Variants in WFDC11 observed in about 807,000 individuals in gnomAD.
The protein encoded by WFDC11 is protein WFDC11.
WFDC11 carries 9 observed loss-of-function variants against 9.9 expected under a neutral mutation model. The observed-to-expected ratio is 0.91, with a 90% confidence interval of 0.55 to 1.58. WFDC11 has a LOEUF of 1.58. WFDC11 is among the 40% of genes most tolerant of loss of function. The pLI, the probability that WFDC11 is intolerant of heterozygous loss-of-function variation, is 0.00. For synonymous variants in WFDC11, 32 were observed against 33.3 expected, an observed-to-expected ratio of 0.96 and a Z score of 0.13; for missense variants, 106 against 101.7, an observed-to-expected ratio of 1.04 and a Z score of -0.18.
chr20:45,664,400 T>TG (rs1324939906), intron 2 of WFDC11, among the ~76,000 whole-genome samples: 1 of 152,014 alleles, frequency 6.6e-6, no homozygotes. Context: ...ATCTTTTAAT[T>TG]GGGGCATTTA....
chr20:45,665,748 G>C (rs965265739), intron 2 of WFDC11, among the ~76,000 whole-genome samples: 1 of 152,190 alleles, frequency 6.6e-6, no homozygotes, highest in Non-Finnish European at 1.5e-5. Flanking sequence ...CACCAGCAGA[G>C]GCTGCAGAAT....
At chr20:45,663,462 C>T (rs750700253) in intron 2 of WFDC11, among the ~76,000 whole-genome samples, 24 of 152,160 alleles carry the variant, frequency 1.6e-4, no homozygotes, top group Non-Finnish European at 2.9e-4. Context: ...TTCTTGCCTT[C>T]TGCTAGCTTT....
chr20:45,657,291 G>T (rs1378776615), intron 2 of WFDC11, among the ~76,000 whole-genome samples: 2 of 152,024 alleles, frequency 1.3e-5, no homozygotes, highest in Non-Finnish European at 1.5e-5. Flanking sequence ...TAGGGACATG[G>T]ATGAAGCTAG....
chr20:45,659,429 T>C (rs4377391), intron 2 of WFDC11, among the ~76,000 whole-genome samples: 51,494 of 152,086 alleles, frequency 0.34, 8,818 homozygotes, highest in South Asian at 0.46. Flanking sequence ...TGGTATCTCA[T>C]TGTGGTTTTG....
At chr20:45,655,235 T>C (rs1388937577) in intron 2 of WFDC11, among the ~76,000 whole-genome samples, 1 of 152,152 alleles carries the variant, frequency 6.6e-6, no homozygotes, top group Non-Finnish European at 1.5e-5. Flanking sequence ...TTATCCACCA[T>C]GATCAAGTGG....
intron 1 of WFDC11, among the ~76,000 whole-genome samples, chr20:45,667,545 C>T (rs1983211097): frequency 6.6e-6 from 1 of 152,174 alleles, no homozygotes; most frequent in African/African-American, 2.4e-5. Context: ...CCATTGCTAG[C>T]ATCAGCCTAA....
At chr20:45,664,192 T>C (rs906752733) in intron 2 of WFDC11, among the ~76,000 whole-genome samples, 1 of 152,006 alleles carries the variant, frequency 6.6e-6, no homozygotes, top group African/African-American at 2.4e-5. Flanking sequence ...CCTTGTCTCT[T>C]TTGATCTTTG....
chr20:45,662,134 G>C (rs181500246), intron 2 of WFDC11, among the ~76,000 whole-genome samples: 7 of 152,134 alleles, frequency 4.6e-5, no homozygotes, highest in African/African-American at 1.4e-4. Flanking sequence ...GGTCCTTCAC[G>C]TCCCTTGTAA....
chr20:45,670,034 C>T (rs1369742893), intron 1 of WFDC11, 144 bp downstream of exon 1: 3 of 152,100 alleles, frequency 2.0e-5, no homozygotes, highest in Non-Finnish European at 4.4e-5. Context: ...CTATTACAAA[C>T]ACCACTATGC....
At chr20:45,669,648 C>T (rs1600944757) in intron 1 of WFDC11, among the ~76,000 whole-genome samples, 1 of 151,960 alleles carries the variant, frequency 6.6e-6, no homozygotes, top group Non-Finnish European at 1.5e-5. Flanking sequence ...TACAACATAC[C>T]AAAATCTCTG....
intron 2 of WFDC11, among the ~76,000 whole-genome samples, chr20:45,663,461 TC>T (rs1173540956): frequency 1.3e-5 from 2 of 152,226 alleles, no homozygotes; most frequent in African/African-American, 4.8e-5. Context: ...TTTCTTGCCT[TC>T]TGCTAGCTTT....
In WFDC11 at chr20:45,656,576, A is replaced by G. The variant is rs1600938535; in HGVS notation, c.-51-5925T>C. Among the ~76,000 whole-genome samples, 5 of 152,172 alleles carry G rather than the reference A, an allele frequency of 3.3e-5. No individual in the cohort carries two copies. In the South Asian group the frequency reaches 1.0e-3, roughly 32 times the overall value. On this transcript the variant is annotated intron_variant, in intron 2 of 4. Transcript: ENST00000324384. ...AAAAGCAATGGCAACAAAAGCCAAA[A>G]TAGACAAGTGGGATCTAATTAATCT...
intron 1 of WFDC11, among the ~76,000 whole-genome samples, chr20:45,669,398 T>A (rs574033735): frequency 1.3e-4 from 20 of 152,252 alleles, no homozygotes; most frequent in Admixed American, 6.5e-4. Context: ...TCAGTGCATA[T>A]AAAAGATATG....
intron 2 of WFDC11, among the ~76,000 whole-genome samples, chr20:45,659,066 T>C (rs1187815497): frequency 6.6e-6 from 1 of 152,272 alleles, no homozygotes; most frequent in Non-Finnish European, 1.5e-5. Flanking sequence ...GACTGCATAG[T>C]ATTCCATGGT....
intron 2 of WFDC11, among the ~76,000 whole-genome samples, chr20:45,653,062 A>C (rs576008797): frequency 2.6e-5 from 4 of 152,148 alleles, no homozygotes; most frequent in Non-Finnish European, 5.9e-5. Context: ...CCAACATTCA[A>C]ATTCAGGAAA....
At chr20:45,666,092 C>T (rs1983182287) in intron 2 of WFDC11, among the ~76,000 whole-genome samples, 1 of 152,216 alleles carries the variant, frequency 6.6e-6, no homozygotes, top group Non-Finnish European at 1.5e-5. Context: ...TTTGAGCTTC[C>T]CAGCCACTTT....
chr20:45,663,212 G>C (rs1052940965), intron 2 of WFDC11, among the ~76,000 whole-genome samples: 1 of 152,188 alleles, frequency 6.6e-6, no homozygotes, highest in Non-Finnish European at 1.5e-5. Flanking sequence ...TTGCATAGAG[G>C]TGTTTCTAGT....
chr20:45,656,519 G>C (rs1430949304), intron 2 of WFDC11, among the ~76,000 whole-genome samples: 1 of 152,184 alleles, frequency 6.6e-6, no homozygotes, highest in Non-Finnish European at 1.5e-5. Context: ...TCAGGACATA[G>C]GCATGGGCAA....
intron 3 of WFDC11, among the ~76,000 whole-genome samples, chr20:45,649,941 C>A (rs570062650): frequency 3.6e-4 from 55 of 152,062 alleles, no homozygotes; most frequent in Non-Finnish European, 5.9e-4. Context: ...TCTATTCACC[C>A]CATTTTCTCA....
Sources: gnomAD v4.1 joint callset for allele counts (sites outside exome capture counted in the v4.1 genomes callset) on GRCh38, gnomAD v4.1.1 for gene constraint, MANE v1.5 for transcripts, NCBI Gene and HGNC (gene_info 2026-07-23, HGNC 2026-07-21) for gene names.